The following ASTN2 variants were observed in gnomAD, a reference collection of about 807,000 sequenced individuals.
ASTN2 encodes the protein astrotactin 2, also known as astrotactin-2.
In ASTN2, 54 loss-of-function variants were observed where a neutral mutation model predicts 139.8. That is an observed-to-expected ratio of 0.39 (90% CI 0.31 to 0.48). ASTN2 has a LOEUF of 0.48. ASTN2 is among the 20% of genes least tolerant of loss of function. The pLI is 0.95. For missense variants in ASTN2, 1,565 were observed against 1,725.1 expected (o/e 0.91, Z 1.64); for synonymous variants, 756 against 719.5 (o/e 1.05, Z -0.81).
At chr9:116,872,027 C>T (rs947640286) in intron 10 of ASTN2, among the ~76,000 whole-genome samples, 6 of 151,930 alleles carry the variant, frequency 3.9e-5, no homozygotes, top group African/African-American at 9.7e-5. Flanking sequence ...TGCAGTGGCG[C>T]GATCTTGGCT....
rs529848312 is a variant in ASTN2, at chr9:116,808,139, C to CA, written c.2208-2320dup. ...AAAAACAAAACAAAACAAAACAAGA[C>CA]AAAAAAACCATTATCAAAGTCTATA... is the stretch of plus-strand genomic sequence containing the variant. On this transcript the variant is annotated intron_variant, in intron 12 of 22. Transcript: ENST00000313400. Among the ~76,000 whole-genome samples, 28 of 151,994 alleles carry CA rather than the reference C, an allele frequency of 1.8e-4. No homozygotes were observed. In the South Asian group the frequency reaches 5.0e-3, roughly 27 times the overall value.
intron 17 of ASTN2, among the ~76,000 whole-genome samples, chr9:116,632,194 G>A (rs4836795): frequency 0.025 from 1,052 of 41,774 alleles, 91 homozygotes; most frequent in African/African-American, 0.084. Context: ...GGGAGAGAGA[G>A]AGAAAGAAAG....
rs1239955129 is a variant in ASTN2, at chr9:116,424,362, C to A, written c.*1489G>T. On this transcript the variant is annotated 3_prime_UTR_variant, in exon 23 of 23. Coordinates refer to ENST00000313400, the MANE Select transcript of ASTN2 (RefSeq NM_001365068.1). ...TTCACCCTGTAGTGAGAATGATTTT[C>A]TTAAAGAGTAAGTTGACTATTTAGT... 6.6e-6 allele frequency among the ~76,000 whole-genome samples: 1 copy of A among 152,126 alleles called. No homozygotes were observed. Among genetic ancestry groups the A allele is most frequent in the Non-Finnish European group, 1.5e-5 (1 of 68,000 alleles).
intron 13 of ASTN2, 61 bp from the exon 14 acceptor site, chr9:116,733,584 G>C (rs1309840342): frequency 1.2e-6 from 2 of 1,601,938 alleles, no homozygotes; most frequent in Admixed American, 1.7e-5. Flanking sequence ...AGGACTACAG[G>C]GCAAGGAGGC....
At chr9:117,351,014 G>T (rs1245506684) in intron 1 of ASTN2, among the ~76,000 whole-genome samples, 1 of 152,184 alleles carries the variant, frequency 6.6e-6, no homozygotes, top group African/African-American at 2.4e-5. Flanking sequence ...TTACTTGAGA[G>T]ACTGAAGGTG....
At chr9:117,127,129 C>T (rs1471490039) in intron 4 of ASTN2, among the ~76,000 whole-genome samples, 1 of 152,312 alleles carries the variant, frequency 6.6e-6, no homozygotes, top group Non-Finnish European at 1.5e-5. Context: ...AAGAGTCTAT[C>T]AGAGATCTTA....
intron 5 of ASTN2, among the ~76,000 whole-genome samples, chr9:117,060,330 G>GAAA (rs1177970972): frequency 4.9e-5 from 3 of 60,820 alleles, no homozygotes; most frequent in African/African-American, 2.8e-4. Context: ...AAGAAAGAAA[G>GAAA]AAAGAAAGAA....
At chr9:117,276,574 A>C (rs1834194612) in intron 2 of ASTN2, among the ~76,000 whole-genome samples, 1 of 152,368 alleles carries the variant, frequency 6.6e-6, no homozygotes, top group Admixed American at 6.5e-5. Flanking sequence ...CATTAGGGGA[A>C]CATCAGGACA....
intron 16 of ASTN2, among the ~76,000 whole-genome samples, chr9:116,658,008 C>T (rs1858325162): frequency 6.6e-6 from 1 of 152,018 alleles, no homozygotes; most frequent in Admixed American, 6.6e-5. Flanking sequence ...CCTCAGCCTC[C>T]TGAGTAGTTG....
intron 3 of ASTN2, among the ~76,000 whole-genome samples, chr9:117,186,996 G>A (rs746224286): frequency 1.9e-4 from 29 of 152,152 alleles, no homozygotes; most frequent in Non-Finnish European, 3.7e-4. Flanking sequence ...GGGCGTGTTG[G>A]TGCACGCCTG....
chr9:116,576,189 A>G (rs1012401056), intron 19 of ASTN2, among the ~76,000 whole-genome samples: 1 of 152,096 alleles, frequency 6.6e-6, no homozygotes, highest in Non-Finnish European at 1.5e-5. Context: ...GGACAATGAA[A>G]AGAGGAAGGA....
chr9:116,457,201 T>C (rs954619684), intron 20 of ASTN2, among the ~76,000 whole-genome samples: 1 of 151,928 alleles, frequency 6.6e-6, no homozygotes, highest in Admixed American at 6.6e-5. Context: ...AAAAATCAAA[T>C]CAAAATAATT....
chr9:116,883,958 C>T (rs1833522001), intron 10 of ASTN2, among the ~76,000 whole-genome samples: 1 of 152,140 alleles, frequency 6.6e-6, no homozygotes, highest in East Asian at 1.9e-4. Context: ...TTTCATGTAG[C>T]CAGACCAGAA....
At chr9:117,302,142 T>C (rs1834892589) in intron 1 of ASTN2, among the ~76,000 whole-genome samples, 1 of 152,030 alleles carries the variant, frequency 6.6e-6, no homozygotes, top group South Asian at 2.1e-4. Context: ...GAGGCAGCAG[T>C]CACAGAGATA....
intron 1 of ASTN2, among the ~76,000 whole-genome samples, chr9:117,308,938 C>A (rs1318673860): frequency 6.6e-6 from 1 of 152,120 alleles, no homozygotes; most frequent in Non-Finnish European, 1.5e-5. Context: ...CTTTCCAAAT[C>A]AGTGAAGAAA....
chr9:116,715,703 C>T (rs1420605176), intron 16 of ASTN2, among the ~76,000 whole-genome samples: 6 of 152,152 alleles, frequency 3.9e-5, no homozygotes, highest in African/African-American at 7.2e-5. Context: ...TTAGTCTTTC[C>T]CATTTGACTG....
chr9:116,887,934 C>T (rs568337306), intron 10 of ASTN2, among the ~76,000 whole-genome samples: 15 of 152,272 alleles, frequency 9.9e-5, no homozygotes, highest in African/African-American at 3.4e-4. Flanking sequence ...TCTCAAAATG[C>T]TGGGATAACA....
At chr9:117,015,016 T>TTTGTTG (rs528035282) in intron 6 of ASTN2, among the ~76,000 whole-genome samples, 1 of 152,000 alleles carries the variant, frequency 6.6e-6, no homozygotes, top group Non-Finnish European at 1.5e-5. Context: ...TTGTTTGTTG[T>TTTGTTG]TTGTTGTTGT....
At chr9:116,712,907 A>G (rs773310942) in intron 16 of ASTN2, among the ~76,000 whole-genome samples, 1 of 152,182 alleles carries the variant, frequency 6.6e-6, no homozygotes, top group Non-Finnish European at 1.5e-5. Flanking sequence ...ATAAATGCCC[A>G]GCATACCTCC....
Sources: allele counts gnomAD v4.1 joint callset (sites outside exome capture counted in the v4.1 genomes callset), GRCh38; gene constraint gnomAD v4.1.1; transcripts MANE v1.5; gene names NCBI Gene and HGNC (gene_info 2026-07-23, HGNC 2026-07-21).